GFM1: variants seen among roughly 807,000 people sequenced by gnomAD.
GFM1 encodes the protein elongation factor G, mitochondrial.
Under a neutral mutation model 96.2 loss-of-function variants are expected in GFM1, and 62 were observed. The ratio of observed to expected loss-of-function variants is 0.64; its 90% confidence interval spans 0.53 to 0.80. The LOEUF is 0.80. Among genes scored for constraint, GFM1 ranks in the 30% least tolerant of loss-of-function variants. The probability of loss-of-function intolerance (pLI) is 0.00; values close to 1 mark genes in which losing one functional copy is unlikely to be tolerated. For synonymous variants in GFM1, 282 were observed against 312.9 expected, an observed-to-expected ratio of 0.90 and a Z score of 1.04; for missense variants, 852 against 916.6, an observed-to-expected ratio of 0.93 and a Z score of 0.91.
At chr3:158,667,065 C>T (rs1314147346) in intron 13 of GFM1, 2 of 1,584,618 alleles carry the variant, frequency 1.3e-6, no homozygotes, top group African/African-American at 2.7e-5. Context: ...ATAAAGTCAT[C>T]ATTTCTTTGC....
intron 6 of GFM1, among the ~76,000 whole-genome samples, chr3:158,652,462 C>G (rs1191707974): frequency 6.6e-6 from 1 of 151,960 alleles, no homozygotes; most frequent in Non-Finnish European, 1.5e-5. Context: ...TATTGAGGAC[C>G]CTTAAATTAT....
At position 158,695,391 on chromosome 3, in the gene GFM1, A is replaced by AAAAAAAAAG. The variant is rs994537545; in HGVS notation, c.*3938_*3946dup. ...GGCAACAGAGTGAGACTCTGTCTCA[A>AAAAAAAAAG]AAAAAAAAGAAAAAAAAGAAAAGAT... On this transcript the variant is annotated 3_prime_UTR_variant, in exon 18 of 18. Coordinates refer to ENST00000486715, the MANE Select transcript of GFM1 (RefSeq NM_024996.7). 2 of 151,436 alleles carry AAAAAAAAAG rather than the reference A, an allele frequency of 1.3e-5. No homozygotes were observed. The highest frequency in any genetic ancestry group is 2.9e-5 in the Non-Finnish European group (2 of 67,816). 9.4% of individuals were successfully genotyped at this position (151,436 alleles called of 1,614,324 possible). A position where few individuals can be genotyped will look rare whatever the true frequency, so the allele number is the denominator to read the frequency against.
At chr3:158,666,652 C>A (rs1723718451) in intron 13 of GFM1, 2 of 1,612,702 alleles carry the variant, frequency 1.2e-6, no homozygotes, top group Non-Finnish European at 1.7e-6. Context: ...TTGTTTATTC[C>A]AGTTGTACTT....
At chr3:158,672,463 T>G (rs754855259) in intron 13 of GFM1, 1 of 1,614,056 alleles carries the variant, frequency 6.2e-7, no homozygotes, top group Non-Finnish European at 8.5e-7. Context: ...GGGTAGTTGG[T>G]CGGCGGGATT....
chr3:158,674,918 T>A (rs1181131376), intron 13 of GFM1, among the ~76,000 whole-genome samples: 1 of 152,078 alleles, frequency 6.6e-6, no homozygotes, highest in African/African-American at 2.4e-5. Context: ...AAGAAAAAAA[T>A]CATTGTGCTT....
In GFM1 at chr3:158,653,429, A is replaced by C. The variant is rs145970222; in HGVS notation, c.960A>C (p.Pro320=). 535 of 1,613,466 alleles carry C rather than the reference A, an allele frequency of 3.3e-4. 2 individuals are homozygous for C. In the African/African-American group the frequency reaches 6.0e-3, roughly 18 times the overall value. The change falls in exon 7 of 18, where the codon CCA becomes CCC. Residue 320 remains proline (P), a synonymous_variant. Transcript: ENST00000486715. ...LDAVLEYLPN[P]SEVQNYAILN... ...CTGTTTTAGAATACCTCCCAAATCC[A>C]TCTGAAGTCCAGAACTATGCTATTC...
chr3:158,646,063 A>G (rs749980039), intron 2 of GFM1, 102 bp from the exon 3 acceptor site: 17 of 1,415,328 alleles, frequency 1.2e-5, no homozygotes, highest in Non-Finnish European at 3.0e-6. Context: ...GATTATAGGC[A>G]TGAGCCACTG....
chr3:158,676,959 C>T (rs1453366884), intron 13 of GFM1, among the ~76,000 whole-genome samples: 1 of 152,224 alleles, frequency 6.6e-6, no homozygotes. Flanking sequence ...CTCGGCTTCC[C>T]AAAGTGCTGG....
At position 158,689,442 on chromosome 3, in the gene GFM1, G is replaced by A. The variant is rs62288345; in HGVS notation, c.1910-721G>A. Among the ~76,000 whole-genome samples, 596 of 152,096 alleles carry A rather than the reference G, an allele frequency of 3.9e-3. 4 individuals carry two copies. The highest frequency in any genetic ancestry group is 0.014 in the African/African-American group (567 of 41,516). On this transcript the variant is annotated intron_variant, in intron 15 of 17. Coordinates refer to ENST00000486715, the MANE Select transcript of GFM1 (RefSeq NM_024996.7). ...CAGACTAGAAAAGGAAAGACAGATCGTAGGCGTGGCTTGATTCTTGCTTCT... is the reference window on the plus strand; with the variant it reads ...CAGACTAGAAAAGGAAAGACAGATCATAGGCGTGGCTTGATTCTTGCTTCT...
intron 9 of GFM1, among the ~76,000 whole-genome samples, chr3:158,659,599 A>T (rs1418397036): frequency 6.6e-6 from 1 of 152,130 alleles, no homozygotes; most frequent in Non-Finnish European, 1.5e-5. Flanking sequence ...GATCTGGGAG[A>T]TAAACTTTGA....
intron 8 of GFM1, among the ~76,000 whole-genome samples, chr3:158,655,022 A>C (rs1289399081): frequency 1.3e-5 from 2 of 152,214 alleles, no homozygotes; most frequent in Admixed American, 6.5e-5. Context: ...TTAGATGTTT[A>C]TATTGTTTCC....
At chr3:158,648,152 T>C (rs991406206) in intron 4 of GFM1, among the ~76,000 whole-genome samples, 5 of 152,210 alleles carry the variant, frequency 3.3e-5, no homozygotes, top group African/African-American at 7.2e-5. Context: ...GAGGTAATTG[T>C]TTCTCAAATC....
At chr3:158,644,961 T>C in intron 1 of GFM1, 1 of 492,216 alleles carries the variant, frequency 2.0e-6, no homozygotes, top group Non-Finnish European at 3.7e-6. Context: ...ACTTTGATAT[T>C]TTATCCACCT....
At chr3:158,647,652 A>T (rs1481327862) in intron 4 of GFM1, among the ~76,000 whole-genome samples, 3 of 152,196 alleles carry the variant, frequency 2.0e-5, no homozygotes, top group African/African-American at 7.2e-5. Context: ...AATCTGATGG[A>T]AGTGATATAT....
chr3:158,656,141 GT>G (rs58800295), intron 8 of GFM1: 116,099 of 204,016 alleles, frequency 0.57, 33,996 homozygotes, highest in African/African-American at 0.71. Flanking sequence ...CATTGTTTTT[GT>G]TTTTTTTTGT....
intron 15 of GFM1, chr3:158,684,930 T>G: frequency 2.7e-6 from 1 of 375,626 alleles, no homozygotes; most frequent in Non-Finnish European, 4.8e-6. Flanking sequence ...AATTTATAAG[T>G]TCTGTTTTTA....
At chr3:158,659,501 C>G (rs937912871) in intron 9 of GFM1, among the ~76,000 whole-genome samples, 8 of 152,156 alleles carry the variant, frequency 5.3e-5, no homozygotes, top group Admixed American at 3.9e-4. Flanking sequence ...CCCTGTTTAA[C>G]CCTAGAGCTT....
At chr3:158,678,682 G>A (rs1220158882) in intron 13 of GFM1, among the ~76,000 whole-genome samples, 5 of 130,738 alleles carry the variant, frequency 3.8e-5, no homozygotes, top group African/African-American at 1.3e-4. Flanking sequence ...TGTTGAAAAC[G>A]CTGCAAACAT....
rs746443971 is a variant in GFM1 at position 158,670,977 on chromosome 3, C to T, written c.1601+4591C>T. The T allele has an allele frequency of 3.9e-6, 6 of 1,539,796 alleles. No individual in the cohort carries two copies. The South Asian group carries it at 7.4e-5, about 19-fold the overall frequency. ...CTTACTTTTTGTATAATTTCTTCAA[C>T]AGCAAATTTAAGGTGATACTTATGT... On this transcript the variant is annotated intron_variant, in intron 13 of 17. Transcript: ENST00000486715.
Sources: gnomAD v4.1 joint callset for allele counts (sites outside exome capture counted in the v4.1 genomes callset) on GRCh38, gnomAD v4.1.1 for gene constraint, MANE v1.5 for transcripts, NCBI Gene and HGNC (gene_info 2026-07-23, HGNC 2026-07-21) for gene names.